Variants in B4GALT6 observed in about 807,000 individuals in gnomAD.
The protein encoded by B4GALT6 is UDP-Gal:beta-GlcNAc beta-1,4-galactosyltransferase 6.
B4GALT6 carries 14 observed loss-of-function variants against 46.3 expected under a neutral mutation model. The ratio of observed to expected loss-of-function variants is 0.30; its 90% confidence interval spans 0.20 to 0.47. The LOEUF is 0.47. Among genes scored for constraint, B4GALT6 ranks in the 20% least tolerant of loss-of-function variants. The probability of loss-of-function intolerance (pLI) is 0.99; values close to 1 mark genes in which losing one functional copy is unlikely to be tolerated. For synonymous variants in B4GALT6, 168 were observed against 162.0 expected (o/e 1.04, Z -0.28); for missense variants, 386 against 480.1 (o/e 0.80, Z 1.83).
intron 3 of B4GALT6, among the ~76,000 whole-genome samples, chr18:31,649,404 T>G (rs2074032288): frequency 6.6e-6 from 1 of 152,182 alleles, no homozygotes; most frequent in Admixed American, 6.5e-5. Context: ...GATTCCTGTC[T>G]CATCCCTGCT....
the B4GALT6 span, among the ~76,000 whole-genome samples, chr18:31,706,716 G>A: frequency 2.0e-5 from 3 of 152,108 alleles, no homozygotes; most frequent in Admixed American, 6.5e-5. Flanking sequence ...ATGTTTTATA[G>A]CAAAATGTAA....
chr18:31,673,451 G>T (rs1481596459), intron 1 of B4GALT6, among the ~76,000 whole-genome samples: 1 of 152,164 alleles, frequency 6.6e-6, no homozygotes, highest in Non-Finnish European at 1.5e-5. Flanking sequence ...AGTGAGGGCA[G>T]AAGACAAGAG....
the B4GALT6 span, among the ~76,000 whole-genome samples, chr18:31,724,018 T>C: frequency 7.1e-6 from 1 of 141,308 alleles, no homozygotes; most frequent in Non-Finnish European, 1.6e-5. Context: ...GCGGCCCAAA[T>C]TCTTCCTCGC....
chr18:31,670,449 A>G (rs2074337978), intron 1 of B4GALT6, among the ~76,000 whole-genome samples: 1 of 152,230 alleles, frequency 6.6e-6, no homozygotes, highest in Non-Finnish European at 1.5e-5. Context: ...AAATTAAGAA[A>G]AGCAACACAC....
intron 1 of B4GALT6, among the ~76,000 whole-genome samples, chr18:31,683,133 T>C (rs889473384): frequency 4.6e-5 from 7 of 152,222 alleles, no homozygotes; most frequent in Non-Finnish European, 7.3e-5. Flanking sequence ...CAAAAATTAA[T>C]TATTAAAGAA....
chr18:31,636,814 T>C (rs1411633465), intron 5 of B4GALT6, among the ~76,000 whole-genome samples: 5 of 151,070 alleles, frequency 3.3e-5, no homozygotes, highest in Admixed American at 1.3e-4. Flanking sequence ...TTTTTCAATT[T>C]ATTTTTATTT....
rs1189770737 is a variant in B4GALT6 at position 31,624,692 on chromosome 18, A to G, written c.*922T>C. On this transcript the variant is annotated 3_prime_UTR_variant, in exon 9 of 9. Coordinates refer to ENST00000306851, the MANE Select transcript of B4GALT6 (RefSeq NM_004775.5). The stretch of plus-strand genomic sequence containing the variant: ...TTTTGGCTCTTCTGAACTGGAAATA[A>G]TAAAAGTGCTGTTCACCGTGAATTT... The G allele has an allele frequency of 6.6e-6, 1 of 152,194 alleles. No homozygotes were observed. The highest frequency in any genetic ancestry group is 1.5e-5 in the Non-Finnish European group (1 of 67,998). 9.4% of individuals were successfully genotyped at this position (152,194 alleles called of 1,614,324 possible).
intron 5 of B4GALT6, among the ~76,000 whole-genome samples, chr18:31,631,970 G>C (rs964435875): frequency 6.6e-6 from 1 of 152,014 alleles, no homozygotes; most frequent in Non-Finnish European, 1.5e-5. Flanking sequence ...TTATTACACA[G>C]AACCCAACTC....
In B4GALT6 at chr18:31,626,989, C is replaced by A; in HGVS notation, c.899+10G>T. ...AATTCTATTAGTGAACAATTTGTACCTCAACATACCTGTTCCAAAGGTCAT... is the reference window on the plus strand; with the variant it reads ...AATTCTATTAGTGAACAATTTGTACATCAACATACCTGTTCCAAAGGTCAT... On this transcript the variant is annotated intron_variant, in intron 7 of 8. Coordinates refer to ENST00000306851, the MANE Select transcript of B4GALT6 (RefSeq NM_004775.5). The A allele has an allele frequency of 1.3e-6, 2 of 1,596,110 alleles. No individual in the cohort carries two copies. Among genetic ancestry groups the A allele is most frequent in the South Asian group, 1.2e-5 (1 of 85,554 alleles).
Position 31,625,617 on chromosome 18 carries a change from A to G in B4GALT6, c.1146T>C (p.Tyr382=). ...CTTGCCACGACAGCCACTTCTTTTA[A>G]TAGTCTTCGATTGGAGCTAACTCTG... ...LMPELAPIED[Y] Residue 382 remains tyrosine, a synonymous_variant, in exon 9 of 9, where the codon TAT becomes TAC. Transcript: ENST00000306851. 1 of 1,613,512 alleles carries G rather than the reference A, an allele frequency of 6.2e-7. No individual in the cohort carries two copies. Among genetic ancestry groups the G allele is most frequent in the African/African-American group, 1.3e-5 (1 of 74,974 alleles).
At chr18:31,665,566 C>G (rs1408413266) in intron 2 of B4GALT6, among the ~76,000 whole-genome samples, 1 of 151,872 alleles carries the variant, frequency 6.6e-6, no homozygotes, top group Non-Finnish European at 1.5e-5. Context: ...GGTGAAACCC[C>G]GTCTCTATCA....
chr18:31,676,835 A>G (rs970382039), intron 1 of B4GALT6, among the ~76,000 whole-genome samples: 5 of 152,204 alleles, frequency 3.3e-5, no homozygotes, highest in African/African-American at 7.2e-5. Context: ...AGAATCTCCC[A>G]TAAGACCTGG....
At chr18:31,681,691 A>G (rs2074481906) in intron 1 of B4GALT6, among the ~76,000 whole-genome samples, 1 of 152,214 alleles carries the variant, frequency 6.6e-6, no homozygotes, top group Non-Finnish European at 1.5e-5. Context: ...CTAAAATGAC[A>G]GAAGATCTAC....
At chr18:31,655,056 T>C (rs951271610) in intron 3 of B4GALT6, among the ~76,000 whole-genome samples, 46 of 152,328 alleles carry the variant, frequency 3.0e-4, no homozygotes, top group Non-Finnish European at 1.3e-4. Flanking sequence ...TTAAGCACTG[T>C]GTGCTTCATT....
upstream of B4GALT6, among the ~76,000 whole-genome samples, chr18:31,689,901 GAA>G (rs1485643904): frequency 2.0e-5 from 3 of 152,128 alleles, no homozygotes; most frequent in Admixed American, 6.6e-5. Flanking sequence ...ACCCTAGAGA[GAA>G]AGTTCGTAAA....
intron 1 of B4GALT6, among the ~76,000 whole-genome samples, chr18:31,669,631 GA>G (rs1212506542): frequency 6.6e-6 from 1 of 152,000 alleles, no homozygotes; most frequent in Non-Finnish European, 1.5e-5. Context: ...AGAGAAAAAA[GA>G]AAACTAAAAG....
chr18:31,705,122 C>A, the B4GALT6 span, among the ~76,000 whole-genome samples: 3 of 152,100 alleles, frequency 2.0e-5, no homozygotes, highest in Non-Finnish European at 2.9e-5. Flanking sequence ...CTAGAGATGA[C>A]CTACTCAAAT....
upstream of B4GALT6, among the ~76,000 whole-genome samples, chr18:31,685,418 G>A (rs1163354466): frequency 6.6e-6 from 1 of 151,358 alleles, no homozygotes; most frequent in African/African-American, 2.4e-5. Flanking sequence ...AACCGGGACC[G>A]GCGGGAACGT....
the B4GALT6 span, among the ~76,000 whole-genome samples, chr18:31,700,468 T>TGTGAGA: frequency 7.8e-3 from 1,160 of 148,356 alleles, 18 homozygotes; most frequent in African/African-American, 0.025. Context: ...TGTGTGTGTG[T>TGTGAGA]GAGAGAGAGA....
Sources: allele counts gnomAD v4.1 joint callset (sites outside exome capture counted in the v4.1 genomes callset), GRCh38; gene constraint gnomAD v4.1.1; transcripts MANE v1.5; gene names NCBI Gene and HGNC (gene_info 2026-07-23, HGNC 2026-07-21).